Variants in RRH observed in about 807,000 individuals in gnomAD.
The protein encoded by RRH is visual pigment-like receptor peropsin.
A neutral mutation model predicts 33.1 loss-of-function variants in RRH; 36 were observed. That is an observed-to-expected ratio of 1.09 (90% CI 0.83 to 1.44). The LOEUF (loss-of-function observed/expected upper bound fraction) is 1.44, where lower values mean the gene tolerates loss of function less well. RRH is among the 40% of genes most tolerant of loss of function. The pLI is 0.00. For synonymous variants in RRH, 124 were observed against 140.2 expected (o/e 0.88, Z 0.82); for missense variants, 393 against 420.2 (o/e 0.94, Z 0.57).
chr4:109,833,194 G>A lies in RRH; in HGVS notation c.162G>A (p.Lys54=). Residue 54 remains lysine (K), a synonymous_variant, in exon 2 of 7, where the codon AAG becomes AAA. Transcript: ENST00000317735. ...IIVLGIFIKY[K]ELRTPTNAII... is the part of the protein sequence containing the mutation. Reference sequence around the variant, plus strand: ...TTCTGGGCATCTTCATTAAGTACAAGGAACTTCGGACACCCACAAATGCAA... The same window carrying A: ...TTCTGGGCATCTTCATTAAGTACAAAGAACTTCGGACACCCACAAATGCAA... 1 of 1,613,864 alleles carries A rather than the reference G, an allele frequency of 6.2e-7. No homozygotes were observed. The highest frequency in any genetic ancestry group is 8.5e-7 in the Non-Finnish European group (1 of 1,179,802).
Position 109,833,234 on chromosome 4 carries a change from G to T in RRH, c.202G>T (p.Ala68Ser), listed in dbSNP as rs752431252. 1.9e-6 allele frequency: 3 copies of T among 1,613,384 alleles called. No individual in the cohort carries two copies. The highest frequency in any genetic ancestry group is 2.5e-6 in the Non-Finnish European group (3 of 1,179,408). The part of the protein sequence containing the change: ...TPTNAIIINL[A>S]VTDIGVSSIG... The stretch of plus-strand genomic sequence containing the variant: ...CACAAATGCAATTATTATTAACCTG[G>T]CTGTTACTGATATAGGGGTCAGTAG... The change falls in exon 2 of 7, where the codon GCT becomes TCT. Residue 68 changes from alanine (A) to serine (S), a missense_variant. Ala to Ser is a moderately conservative substitution (Grantham distance 99, BLOSUM62 1). Coordinates refer to ENST00000317735, the MANE Select transcript of RRH (RefSeq NM_006583.5).
chr4:109,837,781 C>T (rs568088783), intron 5 of RRH, among the ~76,000 whole-genome samples, 176 bp downstream of exon 5: 24 of 152,016 alleles, frequency 1.6e-4, no homozygotes, highest in African/African-American at 5.8e-4. Context: ...TTGTTTTTTG[C>T]TTTTGTTTTT....
chr4:109,833,245 T>TA lies in RRH; in HGVS notation c.214dup (p.Ile72AsnfsTer5), dbSNP rs1242034885. 6.2e-7 allele frequency: 1 copy of TA among 1,613,666 alleles called. No homozygotes were observed. The highest frequency in any genetic ancestry group is 8.5e-7 in the Non-Finnish European group (1 of 1,179,590). On this transcript the variant is annotated frameshift_variant, in exon 2 of 7. Coordinates refer to ENST00000317735, the MANE Select transcript of RRH (RefSeq NM_006583.5). LOFTEE classifies it high-confidence loss of function. ...TTATTATTAACCTGGCTGTTACTGATATAGGGGTCAGTAGCATTGGCTATC... is the reference window on the plus strand; with the variant it reads ...TTATTATTAACCTGGCTGTTACTGATAATAGGGGTCAGTAGCATTGGCTATC...
At position 109,844,350 on chromosome 4, in the gene RRH, C is replaced by A; in HGVS notation, c.*153C>A. ...CACAGCTCGTGCTTCTGTTTGTGCACTCTGGCTGCTGTAGTGTATGCTTCT... is the reference window on the plus strand; with the variant it reads ...CACAGCTCGTGCTTCTGTTTGTGCAATCTGGCTGCTGTAGTGTATGCTTCT... On this transcript the variant is annotated 3_prime_UTR_variant, in exon 7 of 7. Transcript: ENST00000317735. The A allele has an allele frequency of 1.7e-6, 1 of 586,776 alleles. No individual in the cohort carries two copies. The allele number at this position is 586,776 out of a possible 1,614,324, so 36.3% of individuals were successfully genotyped here.
At chr4:109,840,069 T>A (rs995172965) in intron 5 of RRH, among the ~76,000 whole-genome samples, 1 of 152,228 alleles carries the variant, frequency 6.6e-6, no homozygotes, top group African/African-American at 2.4e-5. Context: ...ATGGTTGAAC[T>A]AAGTTATACT....
At chr4:109,832,672 G>A (rs996472510) in intron 1 of RRH, among the ~76,000 whole-genome samples, 1 of 152,072 alleles carries the variant, frequency 6.6e-6, no homozygotes, top group Non-Finnish European at 1.5e-5. Flanking sequence ...TGTCATGGCT[G>A]AAAATAGTGA....
chr4:109,836,891 C>CAAAAAAAA (rs56989659), intron 4 of RRH, among the ~76,000 whole-genome samples: 12 of 84,398 alleles, frequency 1.4e-4, no homozygotes, highest in African/African-American at 7.1e-4. Flanking sequence ...CCTGTCTCTA[C>CAAAAAAAA]AAAAAAAAAA....
intron 5 of RRH, among the ~76,000 whole-genome samples, chr4:109,841,168 T>C (rs1259985687): frequency 6.6e-6 from 1 of 152,134 alleles, no homozygotes; most frequent in Admixed American, 6.5e-5. Context: ...TCCCTCCTGA[T>C]TGCCTGCTAA....
chr4:109,835,343 GTC>G, intron 2 of RRH, 21 bp from the exon 3 acceptor site: 4 of 1,516,638 alleles, frequency 2.6e-6, no homozygotes, highest in Non-Finnish European at 3.7e-6. Flanking sequence ...GAATGGTAGA[GTC>G]TTTTCAATTT....
intron 6 of RRH, among the ~76,000 whole-genome samples, chr4:109,843,424 T>G (rs1456572719): frequency 2.6e-5 from 4 of 152,216 alleles, no homozygotes; most frequent in Non-Finnish European, 4.4e-5. Context: ...TTGGCCAGGC[T>G]CGTCTTGAAC....
intron 5 of RRH, 85 bp downstream of exon 5, chr4:109,837,690 C>A: frequency 1.0e-6 from 1 of 960,896 alleles, no homozygotes; most frequent in Non-Finnish European, 1.6e-6. Flanking sequence ...CCACCGCAGT[C>A]TTCTCTCCCT....
intron 1 of RRH, among the ~76,000 whole-genome samples, chr4:109,829,344 G>GA (rs1733701416): frequency 6.7e-6 from 1 of 149,958 alleles, no homozygotes; most frequent in South Asian, 2.1e-4. Flanking sequence ...AAAAGACTGA[G>GA]AAAATCTCCT....
chr4:109,833,117 A>G (rs1025009690), intron 1 of RRH, 22 bp from the exon 2 acceptor site: 8 of 1,586,656 alleles, frequency 5.0e-6, no homozygotes, highest in African/African-American at 1.3e-5. Flanking sequence ...AAAATGCATC[A>G]TATTTTTGTG....
At chr4:109,839,283 T>C (rs1733943986) in intron 5 of RRH, among the ~76,000 whole-genome samples, 1 of 152,064 alleles carries the variant, frequency 6.6e-6, no homozygotes, top group African/African-American at 2.4e-5. Context: ...AATGTAAAAA[T>C]TATGTTGAAC....
At position 109,831,617 on chromosome 4, in the gene RRH, T is replaced by C. The variant is rs147171175; in HGVS notation, c.107-1522T>C. ...GTTTGAAGGATGGATGGCATTTGGA[T>C]AGGAAAAGAGAAGGAGCAGGGTGCT... On this transcript the variant is annotated intron_variant, in intron 1 of 6. Coordinates refer to ENST00000317735, the MANE Select transcript of RRH (RefSeq NM_006583.5). Among the ~76,000 whole-genome samples, 939 of 152,092 alleles carry C rather than the reference T, an allele frequency of 6.2e-3. 19 individuals carry two copies. Among genetic ancestry groups the C allele is most frequent in the African/African-American group, 0.022 (899 of 41,498 alleles).
intron 1 of RRH, among the ~76,000 whole-genome samples, chr4:109,832,933 T>A (rs1278932986): frequency 6.6e-6 from 1 of 152,160 alleles, no homozygotes; most frequent in Admixed American, 6.5e-5. Flanking sequence ...ATTACCAGAT[T>A]CTTTGTGTTT....
Position 109,835,441 on chromosome 4 carries a change from C to T in RRH, c.373C>T (p.Leu125=), listed in dbSNP as rs1560584473. The change falls in exon 3 of 7, where the codon CTG becomes TTG. Residue 125 remains leucine (L), a synonymous_variant. Coordinates refer to ENST00000317735, the MANE Select transcript of RRH (RefSeq NM_006583.5). ...CACGGTCGTGGCTGTGGACCGATACCTGACCATCTGCCTTCCTGACGTAGG... is the reference window on the plus strand; with the variant it reads ...CACGGTCGTGGCTGTGGACCGATACTTGACCATCTGCCTTCCTGACGTAGG... ...LLTVVAVDRY[L]TICLPDVGRR... is the part of the protein sequence containing the mutation. 1.9e-6 allele frequency: 3 copies of T among 1,613,496 alleles called. No homozygotes were observed. Among genetic ancestry groups the T allele is most frequent in the Non-Finnish European group, 2.5e-6 (3 of 1,179,568 alleles).
At chr4:109,841,519 C>T (rs1579364914) in intron 5 of RRH, among the ~76,000 whole-genome samples, 2 of 151,998 alleles carry the variant, frequency 1.3e-5, no homozygotes, top group African/African-American at 4.8e-5. Flanking sequence ...TGGAAGTCTA[C>T]TTTCTTTGTA....
chr4:109,828,164 T>C, intron 1 of RRH, 31 bp downstream of exon 1: 1 of 1,451,788 alleles, frequency 6.9e-7, no homozygotes, highest in Non-Finnish European at 9.7e-7. Context: ...TATTTTTCTT[T>C]AGAATGGGTG....
Sources: gnomAD v4.1 joint callset for allele counts (sites outside exome capture counted in the v4.1 genomes callset) on GRCh38, gnomAD v4.1.1 for gene constraint, MANE v1.5 for transcripts, NCBI Gene and HGNC (gene_info 2026-07-23, HGNC 2026-07-21) for gene names.